Variants in ETV7 observed in about 807,000 individuals in gnomAD.
ETV7 encodes the protein ETS variant transcription factor 7.
A neutral mutation model predicts 39.1 loss-of-function variants in ETV7; 43 were observed. The observed-to-expected ratio is 1.10, with a 90% CI of 0.86 to 1.42. The LOEUF is 1.42. Among genes scored for constraint, ETV7 ranks in the 40% most tolerant of loss-of-function variants. ETV7 has a pLI of 0.00. For missense variants in ETV7, 432 were observed against 442.3 expected (o/e 0.98, Z 0.21); for synonymous variants, 196 against 176.6 (o/e 1.11, Z -0.87).
intron 7 of ETV7, among the ~76,000 whole-genome samples, chr6:36,354,954 T>C (rs762281517): frequency 6.6e-6 from 1 of 152,266 alleles, no homozygotes. Flanking sequence ...TTGTCATAGA[T>C]AGAAATACAA....
chr6:36,360,713 T>C (rs1029142822), intron 7 of ETV7, among the ~76,000 whole-genome samples: 6 of 152,154 alleles, frequency 3.9e-5, no homozygotes, highest in African/African-American at 1.4e-4. Context: ...GGCCTTTCCG[T>C]GGAGAGAAGC....
chr6:36,363,414 A>C (rs1479980487), downstream of ETV7, among the ~76,000 whole-genome samples: 3 of 151,688 alleles, frequency 2.0e-5, no homozygotes, highest in Non-Finnish European at 4.4e-5. Flanking sequence ...TCCAGGAGTG[A>C]AGCTGCAGAC....
chr6:36,356,583 G>C (rs1206345418), intron 7 of ETV7, among the ~76,000 whole-genome samples: 2 of 152,120 alleles, frequency 1.3e-5, no homozygotes, highest in African/African-American at 2.4e-5. Flanking sequence ...GACACAGAAA[G>C]AGAAATCCCA....
At chr6:36,366,082 G>A (rs1407439372), downstream of ETV7, 6 of 604,662 alleles carry the variant, frequency 9.9e-6, no homozygotes, top group African/African-American at 6.0e-5. Flanking sequence ...GCTGAGGCAC[G>A]AGAATCTCTT....
chr6:36,361,248 G>A (rs1399166766), downstream of ETV7, among the ~76,000 whole-genome samples: 6 of 152,168 alleles, frequency 3.9e-5, no homozygotes, highest in African/African-American at 1.2e-4. Flanking sequence ...TTTGAGGGCC[G>A]AGGTGTCACT....
intron 2 of ETV7, among the ~76,000 whole-genome samples, chr6:36,376,866 A>G (rs1476526844): frequency 2.0e-5 from 3 of 151,964 alleles, no homozygotes; most frequent in Non-Finnish European, 4.4e-5. Context: ...GCCCACACGC[A>G]TACAGGCAGC....
At chr6:36,385,460 A>C (rs1222188079) in intron 2 of ETV7, 74 bp downstream of exon 2, 12 of 1,587,156 alleles carry the variant, frequency 7.6e-6, no homozygotes, top group African/African-American at 1.3e-5. Context: ...TAAGCAACAG[A>C]GCAAGACCCT....
intron 5 of ETV7, 112 bp downstream of exon 5, chr6:36,371,218 C>G (rs1226898723): frequency 2.8e-6 from 3 of 1,078,150 alleles, no homozygotes; most frequent in Non-Finnish European, 4.1e-6. Flanking sequence ...TGCAATCCCC[C>G]AGCCACAGAC....
At chr6:36,370,328 A>G (rs1772951210) in intron 5 of ETV7, among the ~76,000 whole-genome samples, 1 of 152,164 alleles carries the variant, frequency 6.6e-6, no homozygotes, top group Non-Finnish European at 1.5e-5. Flanking sequence ...TGAGGTCAGG[A>G]GTTCAAGACC....
intron 2 of ETV7, among the ~76,000 whole-genome samples, chr6:36,382,206 A>C (rs944958271): frequency 6.6e-6 from 1 of 152,152 alleles, no homozygotes; most frequent in Non-Finnish European, 1.5e-5. Flanking sequence ...TTGTACCCAC[A>C]CACATATATA....
intron 5 of ETV7, 83 bp downstream of exon 5, chr6:36,371,247 A>C: frequency 7.5e-7 from 1 of 1,341,332 alleles, no homozygotes; most frequent in East Asian, 2.5e-5. Context: ...ACCAGGTCAA[A>C]ATAGCCCTGT....
chr6:36,383,952 G>C (rs1773772633), intron 2 of ETV7, among the ~76,000 whole-genome samples: 1 of 152,138 alleles, frequency 6.6e-6, no homozygotes, highest in Non-Finnish European at 1.5e-5. Flanking sequence ...TCTGGCTGCA[G>C]GAACCCCTTA....
chr6:36,354,535 T>C lies in ETV7; in HGVS notation c.*107A>G. 6.4e-6 allele frequency: 4 copies of C among 626,010 alleles called. No individual in the cohort carries two copies. The East Asian group carries it at 1.1e-4, about 17-fold the overall frequency. 38.8% of individuals were successfully genotyped at this position (626,010 alleles called of 1,614,324 possible). ...GTTCTTAATCTATATCCTTATGCCA[T>C]TACCAATCTTTGTTGAGTACTATAG... is the stretch of plus-strand genomic sequence containing the variant. On this transcript the variant is annotated 3_prime_UTR_variant, in exon 8 of 8. Transcript: ENST00000339796.
At chr6:36,374,357 A>C (rs947890707) in intron 3 of ETV7, among the ~76,000 whole-genome samples, 2 of 92,648 alleles carry the variant, frequency 2.2e-5, no homozygotes, top group Non-Finnish European at 4.9e-5. Flanking sequence ...ACCCTGTCTC[A>C]AAAAAAAAAA....
At position 36,385,558 on chromosome 6, in the gene ETV7, T is replaced by TC. The variant is rs1390858129; in HGVS notation, c.117dup (p.Ile40AspfsTer65). The TC allele has an allele frequency of 2.5e-6, 4 of 1,614,156 alleles. No homozygotes were observed. Among genetic ancestry groups the TC allele is most frequent in the Middle Eastern group, 1.6e-4 (1 of 6,062 alleles). ...CGGAGTCTTCCTGGCAGCTTGCAGA[T>TC]CCCCCCTTCACCCAGCAGGTTAATT... is the stretch of plus-strand genomic sequence containing the variant. On this transcript the variant is annotated frameshift_variant, in exon 2 of 8. Coordinates refer to ENST00000340181, the MANE Select transcript of ETV7 (RefSeq NM_016135.4). LOFTEE classifies it high-confidence loss of function.
At chr6:36,372,688 T>A (rs1273123852) in intron 4 of ETV7, among the ~76,000 whole-genome samples, 1 of 140,294 alleles carries the variant, frequency 7.1e-6, no homozygotes, top group Non-Finnish European at 1.5e-5. Flanking sequence ...GGAGGTGGGG[T>A]TTGTGGGGCT....
At chr6:36,379,218 A>G (rs1404967850) in intron 2 of ETV7, among the ~76,000 whole-genome samples, 1 of 152,192 alleles carries the variant, frequency 6.6e-6, no homozygotes, top group Non-Finnish European at 1.5e-5. Flanking sequence ...CTAGTTCACC[A>G]TATTGGAGGC....
intron 7 of ETV7, among the ~76,000 whole-genome samples, chr6:36,356,340 C>CAA (rs979143117): frequency 3.9e-5 from 5 of 128,320 alleles, no homozygotes; most frequent in African/African-American, 1.2e-4. Context: ...AAAAAAAAAA[C>CAA]AAAAAAAAAC....
At chr6:36,385,461 G>C in intron 2 of ETV7, 73 bp downstream of exon 2, 1 of 1,589,454 alleles carries the variant, frequency 6.3e-7, no homozygotes, top group Non-Finnish European at 8.6e-7. Context: ...AAGCAACAGA[G>C]CAAGACCCTG....
Sources: allele counts gnomAD v4.1 joint callset (sites outside exome capture counted in the v4.1 genomes callset), GRCh38; gene constraint gnomAD v4.1.1; transcripts MANE v1.5; gene names NCBI Gene and HGNC (gene_info 2026-07-23, HGNC 2026-07-21).